FBXW7: variants seen among roughly 807,000 people sequenced by gnomAD.
The protein encoded by FBXW7 is F-box and WD repeat domain containing 7.
FBXW7 carries 11 observed loss-of-function variants against 86.3 expected under a neutral mutation model. The observed-to-expected ratio is 0.13, with a 90% confidence interval of 0.08 to 0.21. The LOEUF is 0.21. Ranked by LOEUF, FBXW7 falls within the 10% of genes least tolerant of loss-of-function variation. FBXW7 has a pLI of 1.00. For missense variants in FBXW7, 488 were observed against 847.4 expected (o/e 0.58, Z 5.27); for synonymous variants, 313 against 297.9 (o/e 1.05, Z -0.52).
intron 2 of FBXW7, among the ~76,000 whole-genome samples, chr4:152,509,438 T>C (rs79005353): frequency 0.016 from 2,435 of 152,292 alleles, 75 homozygotes; most frequent in African/African-American, 0.056. Flanking sequence ...CATTTTTCTA[T>C]AATGTCAAAT....
intron 2 of FBXW7, among the ~76,000 whole-genome samples, chr4:152,479,782 T>A (rs186714278): frequency 1.3e-5 from 2 of 152,296 alleles, no homozygotes; most frequent in African/African-American, 4.8e-5. Flanking sequence ...TCTATAGATC[T>A]ATTGCAAAGG....
chr4:152,475,410 G>A (rs917942817), intron 2 of FBXW7, among the ~76,000 whole-genome samples: 5 of 152,052 alleles, frequency 3.3e-5, no homozygotes, highest in South Asian at 4.2e-4. Context: ...CTTCGCAACT[G>A]AGCAAGACCC....
At chr4:152,390,451 C>T (rs1735902366) in intron 4 of FBXW7, among the ~76,000 whole-genome samples, 1 of 152,004 alleles carries the variant, frequency 6.6e-6, no homozygotes, top group Non-Finnish European at 1.5e-5. Flanking sequence ...TACACAGCTG[C>T]TCACCAAGAA....
intron 7 of FBXW7, among the ~76,000 whole-genome samples, chr4:152,336,074 A>C (rs1043037607): frequency 6.6e-6 from 1 of 152,170 alleles, no homozygotes; most frequent in African/African-American, 2.4e-5. Flanking sequence ...TGAGAAGATA[A>C]TGTTTTCTAT....
At chr4:152,460,500 G>C (rs999061124) in intron 2 of FBXW7, among the ~76,000 whole-genome samples, 2 of 152,184 alleles carry the variant, frequency 1.3e-5, no homozygotes, top group Non-Finnish European at 2.9e-5. Context: ...AGAAATGCTT[G>C]CAATGGTGGC....
chr4:152,385,384 CTTTT>C (rs764563711), intron 4 of FBXW7, among the ~76,000 whole-genome samples: 15 of 151,928 alleles, frequency 9.9e-5, no homozygotes, highest in Non-Finnish European at 1.8e-4. Context: ...TAAATTTTCA[CTTTT>C]ACATTTAAAA....
chr4:152,422,406 T>TA (rs1560878402), intron 2 of FBXW7, among the ~76,000 whole-genome samples: 2 of 152,210 alleles, frequency 1.3e-5, no homozygotes, highest in African/African-American at 4.8e-5. Context: ...GAGTTTCTAT[T>TA]AGAATCATTA....
intron 2 of FBXW7, among the ~76,000 whole-genome samples, chr4:152,486,099 C>A (rs894161547): frequency 2.0e-5 from 3 of 152,024 alleles, no homozygotes; most frequent in Non-Finnish European, 2.9e-5. Flanking sequence ...AGAAAAGGTA[C>A]AGTAAAAATA....
intron 2 of FBXW7, among the ~76,000 whole-genome samples, chr4:152,503,753 G>A (rs747876784): frequency 1.3e-4 from 19 of 151,800 alleles, no homozygotes; most frequent in Non-Finnish European, 2.1e-4. Flanking sequence ...ACAACAGACA[G>A]CTCCAGCTAT....
intron 4 of FBXW7, chr4:152,352,720 G>C (rs751316905): frequency 6.2e-7 from 1 of 1,613,550 alleles, no homozygotes; most frequent in Non-Finnish European, 8.5e-7. Context: ...ACCGCTTCTC[G>C]GGACACACAT....
intron 6 of FBXW7, among the ~76,000 whole-genome samples, chr4:152,346,434 C>A (rs1230427844): frequency 6.6e-6 from 1 of 152,152 alleles, no homozygotes; most frequent in Non-Finnish European, 1.5e-5. Context: ...AAAAAAATGT[C>A]AGTGCACAGT....
chr4:152,401,401 A>T (rs1317054669), intron 4 of FBXW7, among the ~76,000 whole-genome samples: 2 of 152,212 alleles, frequency 1.3e-5, no homozygotes, highest in African/African-American at 4.8e-5. Flanking sequence ...ATGAAGGAAA[A>T]GTCAATGCAT....
At chr4:152,517,426 G>A (rs1478577660) in intron 2 of FBXW7, among the ~76,000 whole-genome samples, 2 of 152,234 alleles carry the variant, frequency 1.3e-5, no homozygotes, top group African/African-American at 2.4e-5. Context: ...AAATGCCAAT[G>A]AAAATAGCCA....
chr4:152,510,495 C>T (rs1431693517), intron 2 of FBXW7, among the ~76,000 whole-genome samples: 2 of 152,114 alleles, frequency 1.3e-5, no homozygotes, highest in Non-Finnish European at 2.9e-5. Context: ...TAACCTTACT[C>T]ATTGTTTTCA....
At chr4:152,477,744 C>T (rs1203795816) in intron 2 of FBXW7, among the ~76,000 whole-genome samples, 2 of 152,080 alleles carry the variant, frequency 1.3e-5, no homozygotes, top group Non-Finnish European at 2.9e-5. Context: ...TGTCCACAAT[C>T]TAGGAAACAT....
At chr4:152,363,575 A>T (rs985467715) in intron 4 of FBXW7, among the ~76,000 whole-genome samples, 1 of 152,214 alleles carries the variant, frequency 6.6e-6, no homozygotes, top group Admixed American at 6.5e-5. Flanking sequence ...CTAGATTTTA[A>T]ACTGACCTGA....
rs1750459643 is a variant in FBXW7, at chr4:152,535,527, C to A, written c.-613G>T. The stretch of plus-strand genomic sequence containing the variant: ...GGTGGTTGCCGAGCTTGGTTGGGGC[C>A]CCGGTTCATACACTCCGGGGCAAGA... On this transcript the variant is annotated 5_prime_UTR_variant, in exon 1 of 14. Coordinates refer to ENST00000281708, the MANE Select transcript of FBXW7 (RefSeq NM_001349798.2). 1 of 396,098 alleles carries A rather than the reference C, an allele frequency of 2.5e-6. No homozygotes were observed. The highest frequency in any genetic ancestry group is 4.5e-6 in the Non-Finnish European group (1 of 224,436). The allele number at this position is 396,098 out of a possible 1,614,324, so 24.5% of individuals were successfully genotyped here.
At chr4:152,498,898 T>A (rs1206365628) in intron 2 of FBXW7, among the ~76,000 whole-genome samples, 13 of 151,982 alleles carry the variant, frequency 8.6e-5, no homozygotes, top group Non-Finnish European at 1.5e-5. Context: ...TGCTTGACAA[T>A]TTTTAGATCT....
At chr4:152,487,465 A>C (rs898932527) in intron 2 of FBXW7, among the ~76,000 whole-genome samples, 1 of 152,140 alleles carries the variant, frequency 6.6e-6, no homozygotes, top group African/African-American at 2.4e-5. Flanking sequence ...GAGTGAAAAA[A>C]GCAAGTTAAA....
Sources: gnomAD v4.1 joint callset for allele counts (sites outside exome capture counted in the v4.1 genomes callset) on GRCh38, gnomAD v4.1.1 for gene constraint, MANE v1.5 for transcripts, NCBI Gene and HGNC (gene_info 2026-07-23, HGNC 2026-07-21) for gene names.